PAM: variants seen among roughly 807,000 people sequenced by gnomAD.
PAM encodes the protein peptidylglycine alpha-amidating monooxygenase, also known as peptidyl-glycine alpha-amidating monooxygenase.
PAM carries 72 observed loss-of-function variants against 122.1 expected under a neutral mutation model. The observed-to-expected ratio is 0.59, with a 90% CI of 0.49 to 0.72. PAM has a LOEUF of 0.72. PAM is among the 30% of genes least tolerant of loss of function. The pLI is 0.00. For synonymous variants in PAM, 389 were observed against 404.4 expected, an observed-to-expected ratio of 0.96 and a Z score of 0.46; for missense variants, 1,106 against 1,183.7, an observed-to-expected ratio of 0.93 and a Z score of 0.96.
At chr5:102,935,827 CAGAGG>C (rs1353473037) in intron 7 of PAM, among the ~76,000 whole-genome samples, 1 of 152,088 alleles carries the variant, frequency 6.6e-6, no homozygotes, top group Non-Finnish European at 1.5e-5. Flanking sequence ...AAAATCTAAT[CAGAGG>C]ACCGTCTGCA....
chr5:103,000,669 A>G (rs1026745858), intron 16 of PAM, among the ~76,000 whole-genome samples: 1 of 152,166 alleles, frequency 6.6e-6, no homozygotes. Context: ...GAAACTTACA[A>G]TCAGGCAGAT....
At chr5:102,758,358 T>C (rs1484635503) in intron 1 of PAM, among the ~76,000 whole-genome samples, 1 of 152,176 alleles carries the variant, frequency 6.6e-6, no homozygotes, top group East Asian at 1.9e-4. Context: ...ATGTTAACTT[T>C]ACACTTGGCT....
intron 1 of PAM, among the ~76,000 whole-genome samples, chr5:102,812,958 C>T (rs935040224): frequency 1.3e-5 from 2 of 151,670 alleles, no homozygotes; most frequent in Non-Finnish European, 2.9e-5. Context: ...AAAAACAAAA[C>T]CCAAATACCT....
intron 3 of PAM, among the ~76,000 whole-genome samples, chr5:102,889,251 G>A (rs1363598034): frequency 6.6e-6 from 1 of 151,904 alleles, no homozygotes; most frequent in African/African-American, 2.4e-5. Flanking sequence ...GGAGGAACTG[G>A]CAGAAGACTG....
intron 1 of PAM, among the ~76,000 whole-genome samples, chr5:102,809,171 T>G (rs1238975380): frequency 2.0e-5 from 3 of 152,034 alleles, no homozygotes; most frequent in African/African-American, 7.2e-5. Context: ...AGTCTTGCAT[T>G]TATTTCTTCT....
chr5:102,901,550 T>C, intron 4 of PAM, 137 bp downstream of exon 4: 1 of 628,670 alleles, frequency 1.6e-6, no homozygotes, highest in Middle Eastern at 2.8e-4. Flanking sequence ...TCATGCCTAA[T>C]GCAGAAACAA....
intron 1 of PAM, among the ~76,000 whole-genome samples, chr5:102,811,370 G>T (rs1039255641): frequency 6.6e-6 from 1 of 152,168 alleles, no homozygotes; most frequent in African/African-American, 2.4e-5. Context: ...TCTGCATTCC[G>T]TGGCTCCTGG....
rs1562142459 is a variant in PAM at position 102,986,628 on chromosome 5, CAT to C, written c.1484-3641_1484-3640del. Among the ~76,000 whole-genome samples the C allele has an allele frequency of 5.9e-5, 9 of 152,078 alleles. No homozygotes were observed. The South Asian group carries it at 1.9e-3, about 32-fold the overall frequency. On this transcript the variant is annotated intron_variant, in intron 15 of 25. Coordinates refer to ENST00000438793, the MANE Select transcript of PAM (RefSeq NM_001177306.2). ...TTCCTGCTCATGGACAGAAAAAAATCATATTGTTAAAATGACAATACTACCTG... is the reference window on the plus strand; with the variant it reads ...TTCCTGCTCATGGACAGAAAAAAATCATTGTTAAAATGACAATACTACCTG...
At chr5:102,803,362 C>G (rs1765406466) in intron 1 of PAM, among the ~76,000 whole-genome samples, 1 of 152,042 alleles carries the variant, frequency 6.6e-6, no homozygotes, top group Non-Finnish European at 1.5e-5. Context: ...TTCTTCCATC[C>G]CTCGTAAGTT....
chr5:102,843,315 T>C (rs1174614943), intron 1 of PAM, among the ~76,000 whole-genome samples: 1 of 151,938 alleles, frequency 6.6e-6, no homozygotes, highest in Non-Finnish European at 1.5e-5. Context: ...TCCAAGAAAA[T>C]AGAAAAAACA....
intron 3 of PAM, among the ~76,000 whole-genome samples, chr5:102,885,383 C>A (rs543444366): frequency 3.9e-4 from 59 of 152,028 alleles, no homozygotes; most frequent in Non-Finnish European, 6.0e-4. Flanking sequence ...TCATTTTGGA[C>A]ATCTTTAAAA....
At chr5:102,890,856 G>A (rs2151271511) in intron 3 of PAM, among the ~76,000 whole-genome samples, 3 of 151,902 alleles carry the variant, frequency 2.0e-5, no homozygotes, top group Admixed American at 2.0e-4. Flanking sequence ...CTGGAAAATG[G>A]GCATTTGCAG....
chr5:102,981,025 CCTT>C (rs981213117), intron 15 of PAM, among the ~76,000 whole-genome samples: 13 of 152,016 alleles, frequency 8.6e-5, no homozygotes, highest in Non-Finnish European at 1.2e-4. Flanking sequence ...CATTAATTTT[CCTT>C]CTTGAAAATT....
intron 13 of PAM, 68 bp downstream of exon 13, chr5:102,960,127 TTGA>T (rs1323880287): frequency 6.0e-6 from 5 of 836,678 alleles, no homozygotes; most frequent in African/African-American, 1.7e-5. Context: ...TGTATCTTGT[TTGA>T]TGATATTTAA....
intron 1 of PAM, among the ~76,000 whole-genome samples, chr5:102,846,089 G>T (rs1023571032): frequency 6.6e-6 from 1 of 152,176 alleles, no homozygotes; most frequent in African/African-American, 2.4e-5. Flanking sequence ...TTAGAAGCAA[G>T]TTGATGCTTT....
intron 7 of PAM, among the ~76,000 whole-genome samples, chr5:102,936,754 T>C (rs1753394249): frequency 1.3e-5 from 2 of 152,152 alleles, no homozygotes; most frequent in African/African-American, 4.8e-5. Flanking sequence ...AGTGTGTATT[T>C]TTTTCACAGA....
chr5:102,953,301 C>T (rs1485610673), intron 12 of PAM, among the ~76,000 whole-genome samples: 1 of 152,042 alleles, frequency 6.6e-6, no homozygotes, highest in Non-Finnish European at 1.5e-5. Context: ...GATTTAACCA[C>T]CTGAGTGTCC....
intron 20 of PAM, 65 bp from the exon 21 acceptor site, chr5:103,009,686 G>A (rs1317358719): frequency 2.4e-6 from 2 of 845,670 alleles, no homozygotes; most frequent in Non-Finnish European, 4.1e-6. Context: ...TAATATACAT[G>A]GATATATTAG....
At chr5:102,763,827 A>G (rs1753101397) in intron 1 of PAM, among the ~76,000 whole-genome samples, 1 of 152,202 alleles carries the variant, frequency 6.6e-6, no homozygotes, top group Non-Finnish European at 1.5e-5. Flanking sequence ...CTTGCTGGCC[A>G]CATGAAGAAT....
Sources: gnomAD v4.1 joint callset for allele counts (sites outside exome capture counted in the v4.1 genomes callset) on GRCh38, gnomAD v4.1.1 for gene constraint, MANE v1.5 for transcripts, NCBI Gene and HGNC (gene_info 2026-07-23, HGNC 2026-07-21) for gene names.